The following AP1S3 variants were observed in gnomAD, a reference collection of about 807,000 sequenced individuals.
The protein encoded by AP1S3 is adaptor related protein complex 1 subunit sigma 3.
In AP1S3, 10 loss-of-function variants were observed where a neutral mutation model predicts 20.9. That is an observed-to-expected ratio of 0.48 (90% CI 0.29 to 0.81). The LOEUF (loss-of-function observed/expected upper bound fraction) is 0.81, where lower values mean the gene tolerates loss of function less well. Ranked by LOEUF, AP1S3 falls within the 30% of genes least tolerant of loss-of-function variation. AP1S3 has a pLI of 0.08. For missense variants in AP1S3, 154 were observed against 183.8 expected (o/e 0.84, Z 0.94); for synonymous variants, 41 against 61.5 (o/e 0.67, Z 1.56).
At chr2:223,810,291 C>T (rs1251023337) in intron 1 of AP1S3, among the ~76,000 whole-genome samples, 2 of 151,980 alleles carry the variant, frequency 1.3e-5, no homozygotes, top group South Asian at 2.1e-4. Context: ...TGATCCCACA[C>T]CCACCCCTCT....
chr2:223,811,067 G>A (rs767232450), intron 1 of AP1S3, among the ~76,000 whole-genome samples: 7 of 151,048 alleles, frequency 4.6e-5, no homozygotes, highest in Admixed American at 2.7e-4. Context: ...CTGTAGAGTG[G>A]TGAAGTCTGA....
intron 1 of AP1S3, among the ~76,000 whole-genome samples, chr2:223,832,002 G>A (rs185760303): frequency 1.5e-4 from 23 of 151,984 alleles, no homozygotes; most frequent in African/African-American, 5.1e-4. Flanking sequence ...GCGTGAACCC[G>A]GGAGGCAGCG....
intron 1 of AP1S3, among the ~76,000 whole-genome samples, chr2:223,825,615 T>C (rs1002420428): frequency 6.6e-6 from 1 of 152,240 alleles, no homozygotes; most frequent in Non-Finnish European, 1.5e-5. Flanking sequence ...AGATTTGCTA[T>C]GCATGTAAAA....
chr2:223,830,859 A>G (rs1692241588), intron 1 of AP1S3, among the ~76,000 whole-genome samples: 1 of 152,224 alleles, frequency 6.6e-6, no homozygotes, highest in African/African-American at 2.4e-5. Flanking sequence ...TTCAGAGCCC[A>G]GAGATGCCTG....
intron 1 of AP1S3, among the ~76,000 whole-genome samples, chr2:223,817,879 C>G (rs1306909375): frequency 1.3e-5 from 2 of 151,850 alleles, no homozygotes; most frequent in Non-Finnish European, 2.9e-5. Flanking sequence ...ATATGATGAC[C>G]AAATAATAAG....
rs528336702 is a variant in AP1S3, at chr2:223,827,972, T to G, written c.3+9476A>C. Among the ~76,000 whole-genome samples, 452 of 145,684 alleles carry G rather than the reference T, an allele frequency of 3.1e-3. 7 individuals carry two copies. Among genetic ancestry groups the G allele is most frequent in the Middle Eastern group, 0.022 (6 of 272 alleles). ...TACTCAGGAGGCTGAGGCAGGAGAATTGCTTGAACCCAGGAGGTAGAGGTT... is the reference window on the plus strand; with the variant it reads ...TACTCAGGAGGCTGAGGCAGGAGAAGTGCTTGAACCCAGGAGGTAGAGGTT... On this transcript the variant is annotated intron_variant, in intron 1 of 4. Transcript: ENST00000396654.
Position 223,755,960 on chromosome 2 carries a change from T to C in AP1S3, c.*2755A>G. On this transcript the variant is annotated 3_prime_UTR_variant, in exon 5 of 5. Coordinates refer to ENST00000396654, the MANE Select transcript of AP1S3 (RefSeq NM_001039569.2). ...GAATGAGGTTCAAGAGATACCTTTA[T>C]CCAAATATGGTGACAAATTTCAAAA... 3.0e-6 allele frequency: 3 copies of C among 985,472 alleles called. No individual in the cohort carries two copies. Among genetic ancestry groups the C allele is most frequent in the Non-Finnish European group, 3.6e-6 (3 of 829,944 alleles). 61.0% of individuals were successfully genotyped at this position (985,472 alleles called of 1,614,324 possible).
chr2:223,811,283 T>C (rs967996629), intron 1 of AP1S3, among the ~76,000 whole-genome samples: 2 of 151,802 alleles, frequency 1.3e-5, no homozygotes, highest in African/African-American at 4.8e-5. Flanking sequence ...TAGTGAAATA[T>C]CTGGCCAGGC....
At chr2:223,780,842 G>A (rs1368672134) in intron 1 of AP1S3, among the ~76,000 whole-genome samples, 1 of 151,624 alleles carries the variant, frequency 6.6e-6, no homozygotes, top group Non-Finnish European at 1.5e-5. Flanking sequence ...TTTCTTACAT[G>A]GGTATATTGC....
intron 1 of AP1S3, among the ~76,000 whole-genome samples, chr2:223,820,856 C>T (rs1272524094): frequency 5.9e-5 from 9 of 152,156 alleles, no homozygotes; most frequent in African/African-American, 2.2e-4. Context: ...CCAAACCAAT[C>T]TGCTTTGCAA....
At chr2:223,819,507 C>G (rs1251585363) in intron 1 of AP1S3, among the ~76,000 whole-genome samples, 1 of 151,840 alleles carries the variant, frequency 6.6e-6, no homozygotes, top group Admixed American at 6.6e-5. Flanking sequence ...ACTATAAAGT[C>G]CATAAATAAC....
chr2:223,770,766 C>T (rs1690606496), intron 3 of AP1S3, among the ~76,000 whole-genome samples: 1 of 138,174 alleles, frequency 7.2e-6, no homozygotes, highest in South Asian at 2.3e-4. Flanking sequence ...CTTACTCCGT[C>T]ACCCAGGCTG....
chr2:223,827,954 G>T (rs146996394), intron 1 of AP1S3, among the ~76,000 whole-genome samples: 24,200 of 149,926 alleles, frequency 0.16, 2,490 homozygotes, highest in East Asian at 0.42. Context: ...AGCTACTCAG[G>T]AGGCTGAGGC....
At chr2:223,835,435 TCACGAGGTCAGGAGTTTGAGAC>T (rs986789134) in intron 1 of AP1S3, among the ~76,000 whole-genome samples, 19 of 152,146 alleles carry the variant, frequency 1.2e-4, no homozygotes, top group Middle Eastern at 3.2e-3. Flanking sequence ...TGCAGGTGGA[TCACGAGGTCAGGAGTTTGAGAC>T]CAGCCTGGCC....
At chr2:223,803,116 T>A (rs1327837070) in intron 1 of AP1S3, among the ~76,000 whole-genome samples, 2 of 152,216 alleles carry the variant, frequency 1.3e-5, no homozygotes. Context: ...AACATAAATA[T>A]ATCTGCCAAC....
In AP1S3 at chr2:223,775,865, C is replaced by A. The variant is rs753686150; in HGVS notation, c.291+36G>T. The A allele has an allele frequency of 2.7e-6, 4 of 1,501,230 alleles. No homozygotes were observed. The African/African-American group carries it at 5.5e-5, about 21-fold the overall frequency. 93.0% of individuals were successfully genotyped at this position (1,501,230 alleles called of 1,614,324 possible). A position where few individuals can be genotyped will look rare whatever the true frequency, so the allele number is the denominator to read the frequency against. On this transcript the variant is annotated intron_variant, in intron 3 of 4. Transcript: ENST00000396654. Reference sequence around the variant, plus strand: ...ACTGAAGTAAGAGCTGAGATGGGGACTGTAGCTAATCCTAACCGACAAGGA... The same window carrying A: ...ACTGAAGTAAGAGCTGAGATGGGGAATGTAGCTAATCCTAACCGACAAGGA...
At chr2:223,793,864 G>A (rs1349549242) in intron 1 of AP1S3, among the ~76,000 whole-genome samples, 2 of 151,330 alleles carry the variant, frequency 1.3e-5, no homozygotes, top group African/African-American at 2.4e-5. Flanking sequence ...GGCTCGTCTC[G>A]AACTCCTGAC....
In AP1S3 at chr2:223,756,620, A is replaced by G; in HGVS notation, c.*2095T>C. 1 of 985,360 alleles carries G rather than the reference A, an allele frequency of 1.0e-6. No individual in the cohort carries two copies. The highest frequency in any genetic ancestry group is 1.1e-4 in the East Asian group (1 of 8,818). 61.0% of individuals were successfully genotyped at this position (985,360 alleles called of 1,614,324 possible). On this transcript the variant is annotated 3_prime_UTR_variant, in exon 5 of 5. Coordinates refer to ENST00000396654, the MANE Select transcript of AP1S3 (RefSeq NM_001039569.2). ...TAATTGTAATTACATGGTAACCTGA[A>G]GAAATATTGGATAGTAAAAGCCTAA...
At chr2:223,789,587 C>A (rs1401092595) in intron 1 of AP1S3, among the ~76,000 whole-genome samples, 1 of 151,462 alleles carries the variant, frequency 6.6e-6, no homozygotes, top group African/African-American at 2.4e-5. Flanking sequence ...TGCCTACAAT[C>A]CTGGCACTTT....
Sources: gnomAD v4.1 joint callset for allele counts (sites outside exome capture counted in the v4.1 genomes callset) on GRCh38, gnomAD v4.1.1 for gene constraint, MANE v1.5 for transcripts, NCBI Gene and HGNC (gene_info 2026-07-23, HGNC 2026-07-21) for gene names.